The following DNAH8 variants were observed in gnomAD, a reference collection of about 807,000 sequenced individuals.
DNAH8 encodes dynein axonemal heavy chain 8, also known as axonemal beta dynein heavy chain 8.
In DNAH8, 382 loss-of-function variants were observed where a neutral mutation model predicts 562.1. That is an observed-to-expected ratio of 0.68 (90% CI 0.63 to 0.74). DNAH8 has a LOEUF of 0.74. DNAH8 is among the 30% of genes least tolerant of loss of function. DNAH8 has a pLI of 0.00. For synonymous variants in DNAH8, 1,881 were observed against 1,919.4 expected (o/e 0.98, Z 0.52); for missense variants, 5,203 against 5,620.4 (o/e 0.93, Z 2.37).
In DNAH8 at chr6:38,951,019, T is replaced by G. The variant is rs561766789; in HGVS notation, c.12249-299T>G. Among the ~76,000 whole-genome samples the G allele has an allele frequency of 2.0e-5, 3 of 152,280 alleles. No homozygotes were observed. In the East Asian group the frequency reaches 5.8e-4, roughly 29 times the overall value. ...ATATTGGTTCCTCCTCTGAAAAGGC[T>G]GTGGAGCTTCAGAGTGTGTGGCAGG... On this transcript the variant is annotated intron_variant, in intron 81 of 92. Transcript: ENST00000327475.
At chr6:38,827,014 G>C (rs1445372905) in intron 29 of DNAH8, among the ~76,000 whole-genome samples, 1 of 152,166 alleles carries the variant, frequency 6.6e-6, no homozygotes. Context: ...TGTCAGCAGG[G>C]CCATGTTGCT....
chr6:38,813,898 T>C (rs536920031), intron 24 of DNAH8, among the ~76,000 whole-genome samples, 156 bp from the exon 25 acceptor site: 2 of 152,358 alleles, frequency 1.3e-5, no homozygotes, highest in African/African-American at 4.8e-5. Flanking sequence ...TTCTTAGTTC[T>C]CTGCAATTTA....
At chr6:38,936,535 G>A (rs1427668321) in intron 77 of DNAH8, 1 of 152,098 alleles carries the variant, frequency 6.6e-6, no homozygotes, top group African/African-American at 2.4e-5. Context: ...CTTAATCCCG[G>A]GATGTTATTT....
intron 88 of DNAH8, among the ~76,000 whole-genome samples, chr6:38,994,917 T>C (rs963118673): frequency 6.6e-6 from 1 of 152,184 alleles, no homozygotes; most frequent in East Asian, 1.9e-4. Context: ...TCCTTTAACA[T>C]AGAATTTCCT....
At chr6:38,778,496 TG>T (rs550685912) in intron 14 of DNAH8, 32 bp downstream of exon 14, 597 of 1,249,676 alleles carry the variant, frequency 4.8e-4, no homozygotes, top group Middle Eastern at 2.5e-3. Context: ...GAGTAGTTTC[TG>T]GGGGGAATAA....
chr6:38,723,397 A>G lies in DNAH8; in HGVS notation c.451A>G (p.Ile151Val), dbSNP rs371708059. Residue 151 changes from isoleucine to valine, a missense_variant, in exon 3 of 93, where the codon ATA (isoleucine) becomes GTA (valine). This residue lies in a region of DNAH8 where 556 missense variants were observed against 496.9 expected (regional missense o/e 1.12). Coordinates refer to ENST00000327475, the MANE Select transcript of DNAH8 (RefSeq NM_001206927.2). ...RLKIDPSYKY[I>V]FEILAENLGL... The stretch of plus-strand genomic sequence containing the variant: ...GAAAATTGACCCTTCATACAAATAT[A>G]TATTTGAAATTCTAGCAGAAAATCT... The G allele has an allele frequency of 1.7e-4, 277 of 1,612,526 alleles. 2 individuals are homozygous for G. In the Middle Eastern group the frequency reaches 2.0e-3, roughly 12 times the overall value.
chr6:39,004,298 A>G (rs1765663568), intron 88 of DNAH8, among the ~76,000 whole-genome samples: 1 of 152,204 alleles, frequency 6.6e-6, no homozygotes, highest in African/African-American at 2.4e-5. Flanking sequence ...TCCTCCTGAC[A>G]TTTCAGTATT....
intron 37 of DNAH8, among the ~76,000 whole-genome samples, chr6:38,850,040 T>A (rs934831712): frequency 1.3e-5 from 2 of 152,210 alleles, no homozygotes; most frequent in African/African-American, 4.8e-5. Flanking sequence ...AGCCTCATTG[T>A]GATAAAGAAG....
chr6:38,842,933 A>T (rs1287682173), intron 35 of DNAH8, 30 bp downstream of exon 35: 1 of 1,602,920 alleles, frequency 6.2e-7, no homozygotes, highest in Non-Finnish European at 8.5e-7. Flanking sequence ...CTTATCAATG[A>T]TCCATTAAAG....
At position 39,030,179 on chromosome 6, in the gene DNAH8, C is replaced by T; in HGVS notation, c.13911C>T (p.Ser4637=). 1 of 1,614,066 alleles carries T rather than the reference C, an allele frequency of 6.2e-7. No individual in the cohort carries two copies. Among genetic ancestry groups the T allele is most frequent in the Non-Finnish European group, 8.5e-7 (1 of 1,180,000 alleles). The change falls in exon 93 of 93, where the codon TCC becomes TCT. Residue 4637 remains serine (S), a synonymous_variant. Coordinates refer to ENST00000327475, the MANE Select transcript of DNAH8 (RefSeq NM_001206927.2). ...GACGGAATGGGAAGCTCATGGAATC[C>T]ACCCCCAAGGTACTCTTCACGCAGT... The part of the protein sequence containing the change: ...WDRRNGKLME[S]TPKVLFTQLP...
chr6:38,874,393 G>A (rs957896019), intron 52 of DNAH8, among the ~76,000 whole-genome samples: 2 of 147,714 alleles, frequency 1.4e-5, no homozygotes, highest in Non-Finnish European at 3.0e-5. Flanking sequence ...TTTCAACAAG[G>A]TCTTGCCTGT....
intron 24 of DNAH8, among the ~76,000 whole-genome samples, chr6:38,810,750 A>G (rs1001091194): frequency 1.3e-5 from 2 of 152,204 alleles, no homozygotes; most frequent in African/African-American, 2.4e-5. Context: ...ACTCAAAAAT[A>G]ATATATTAAA....
At chr6:38,795,166 A>T (rs1384693326) in intron 21 of DNAH8, among the ~76,000 whole-genome samples, 4 of 152,206 alleles carry the variant, frequency 2.6e-5, no homozygotes, top group Admixed American at 2.6e-4. Flanking sequence ...TAGTGGCATT[A>T]GGTACATTCC....
At chr6:38,880,992 A>C (rs111754719) in intron 53 of DNAH8, among the ~76,000 whole-genome samples, 17 of 152,222 alleles carry the variant, frequency 1.1e-4, no homozygotes, top group African/African-American at 4.1e-4. Flanking sequence ...GCACCACTAC[A>C]CTCCAGTCTG....
chr6:39,009,401 T>C (rs1277259004), intron 89 of DNAH8, among the ~76,000 whole-genome samples: 1 of 152,206 alleles, frequency 6.6e-6, no homozygotes, highest in Non-Finnish European at 1.5e-5. Flanking sequence ...TGTAGGTAGA[T>C]GATCCACCCA....
At chr6:38,843,849 G>A (rs552453811) in intron 35 of DNAH8, among the ~76,000 whole-genome samples, 6 of 152,208 alleles carry the variant, frequency 3.9e-5, no homozygotes, top group Non-Finnish European at 5.9e-5. Flanking sequence ...GTCTCTGTCC[G>A]TTTGTGTCTT....
chr6:38,818,537 CAAAAA>C (rs70981590), intron 26 of DNAH8, among the ~76,000 whole-genome samples: 1 of 75,886 alleles, frequency 1.3e-5, no homozygotes, highest in African/African-American at 6.2e-5. Flanking sequence ...AAAGCAAAAG[CAAAAA>C]AAAAAAAAAA....
chr6:38,836,220 A>C (rs1201034598), intron 32 of DNAH8, among the ~76,000 whole-genome samples: 1 of 152,164 alleles, frequency 6.6e-6, no homozygotes, highest in Non-Finnish European at 1.5e-5. Context: ...AATTTAGGGC[A>C]TGTGATGTAA....
intron 86 of DNAH8, among the ~76,000 whole-genome samples, chr6:38,982,694 T>A (rs1360874748): frequency 1.3e-5 from 2 of 152,186 alleles, no homozygotes; most frequent in East Asian, 3.8e-4. Context: ...GCAGCCTTCC[T>A]CATGTTACAC....
Sources: allele counts gnomAD v4.1 joint callset (sites outside exome capture counted in the v4.1 genomes callset), GRCh38; gene constraint gnomAD v4.1.1; regional missense constraint gnomAD v4.1.1; transcripts MANE v1.5; gene names NCBI Gene and HGNC (gene_info 2026-07-23, HGNC 2026-07-21).